F10: variants seen among roughly 807,000 people sequenced by gnomAD.
F10 encodes coagulation factor X, also known as Stuart-Prower factor.
In F10, 29 loss-of-function variants were observed where a neutral mutation model predicts 37.1. That is an observed-to-expected ratio of 0.78 (90% CI 0.58 to 1.07). F10 has a LOEUF of 1.07. Among genes scored for constraint, F10 ranks in the 50% least tolerant of loss-of-function variants. The pLI, the probability that F10 is intolerant of heterozygous loss-of-function variation, is 0.00. For synonymous variants in F10, 262 were observed against 268.6 expected (o/e 0.98, Z 0.24); for missense variants, 539 against 667.9 (o/e 0.81, Z 2.13).
At chr13:113,123,757 C>T (rs2036343623) in intron 1 of F10, among the ~76,000 whole-genome samples, 1 of 152,162 alleles carries the variant, frequency 6.6e-6, no homozygotes, top group African/African-American at 2.4e-5. Context: ...TAAACGGCCC[C>T]TCCGCCTGGT....
At chr13:113,127,630 T>C (rs979152280) in intron 1 of F10, among the ~76,000 whole-genome samples, 3 of 152,116 alleles carry the variant, frequency 2.0e-5, no homozygotes, top group African/African-American at 7.2e-5. Context: ...CATTTGCCAG[T>C]CATGAAATCA....
chr13:113,140,790 T>C, intron 4 of F10, 129 bp from the exon 5 acceptor site: 1 of 1,404,180 alleles, frequency 7.1e-7, no homozygotes, highest in South Asian at 1.2e-5. Context: ...GTCGCCTGGC[T>C]CTGGCCCTTT....
chr13:113,145,095 T>G (rs1202219816), intron 6 of F10, among the ~76,000 whole-genome samples: 2 of 152,170 alleles, frequency 1.3e-5, no homozygotes, highest in South Asian at 2.1e-4. Flanking sequence ...TTAGCCAGGA[T>G]GGTCTCCATC....
At chr13:113,145,302 A>G (rs2036572594) in intron 6 of F10, among the ~76,000 whole-genome samples, 1 of 152,222 alleles carries the variant, frequency 6.6e-6, no homozygotes, top group Non-Finnish European at 1.5e-5. Flanking sequence ...CTGGAGTTAC[A>G]GGTGTGAGCC....
Position 113,123,371 on chromosome 13 carries a change from G to C in F10, c.70+446G>C, listed in dbSNP as rs1161519689. On this transcript the variant is annotated intron_variant, in intron 1 of 7. Coordinates refer to ENST00000375559, the MANE Select transcript of F10 (RefSeq NM_000504.4). ...CAGAGGAGCTCCCAGGGAGGAGGAG[G>C]CTGAGCCGAGCCAGTGCCACCACTC... 3.9e-5 allele frequency among the ~76,000 whole-genome samples: 6 copies of C among 152,274 alleles called. No individual in the cohort carries two copies. The East Asian group carries it at 5.8e-4, about 15-fold the overall frequency.
intron 7 of F10, among the ~76,000 whole-genome samples, chr13:113,147,817 T>C (rs567344081): frequency 2.6e-4 from 40 of 152,232 alleles, no homozygotes; most frequent in East Asian, 2.3e-3. Flanking sequence ...GTGTCTTTTA[T>C]TGGGAGCCTT....
At position 113,149,331 on chromosome 13, in the gene F10, C is replaced by T; in HGVS notation, c.1281C>T (p.Phe427=). The change falls in exon 8 of 8, where the codon TTC becomes TTT. Residue 427 remains phenylalanine (F), a synonymous_variant. Transcript: ENST00000375559. The surrounding 1 kb of genome is among the most constrained non-coding windows in gnomAD (Gnocchi z 7.5). The part of the protein sequence containing the change: ...GDSGGPHVTR[F]KDTYFVTGIV... ...GCGGGGGCCCGCACGTCACCCGCTT[C>T]AAGGACACCTACTTCGTGACAGGCA... is the stretch of plus-strand genomic sequence containing the variant. 2 of 1,613,376 alleles carry T rather than the reference C, an allele frequency of 1.2e-6. No homozygotes were observed. Among genetic ancestry groups the T allele is most frequent in the Non-Finnish European group, 1.7e-6 (2 of 1,180,038 alleles).
At chr13:113,142,556 C>CAAAAA (rs5806973) in intron 5 of F10, among the ~76,000 whole-genome samples, 2 of 61,412 alleles carry the variant, frequency 3.3e-5, no homozygotes, top group African/African-American at 5.7e-5. Context: ...GACTCTGTCT[C>CAAAAA]AAAAAAAAAA....
At chr13:113,124,281 AC>A (rs1246579048) in intron 1 of F10, among the ~76,000 whole-genome samples, 1 of 152,166 alleles carries the variant, frequency 6.6e-6, no homozygotes, top group African/African-American at 2.4e-5. Context: ...GCCCACCCAG[AC>A]CCACAGGAGG....
At chr13:113,136,276 G>A (rs865802189) in intron 2 of F10, among the ~76,000 whole-genome samples, 2 of 152,136 alleles carry the variant, frequency 1.3e-5, no homozygotes, top group Admixed American at 6.5e-5. Context: ...TACACTGCTC[G>A]TGGGAATGCA....
intron 1 of F10, among the ~76,000 whole-genome samples, chr13:113,126,689 G>A (rs1595086602): frequency 6.6e-6 from 1 of 152,324 alleles, no homozygotes; most frequent in South Asian, 2.1e-4. Context: ...TCACATGGAG[G>A]TGCGTCAGAA....
chr13:113,133,424 G>A (rs1349229829), intron 2 of F10, among the ~76,000 whole-genome samples: 2 of 152,122 alleles, frequency 1.3e-5, no homozygotes, highest in Non-Finnish European at 2.9e-5. Context: ...GAACAACTCT[G>A]CATATATAAA....
intron 2 of F10, among the ~76,000 whole-genome samples, chr13:113,133,851 G>A (rs904051995): frequency 6.6e-6 from 1 of 151,998 alleles, no homozygotes; most frequent in Non-Finnish European, 1.5e-5. Context: ...AGTTTTTCTG[G>A]GGCACACATG....
At chr13:113,129,831 A>G (rs1004049741) in intron 2 of F10, among the ~76,000 whole-genome samples, 5 of 152,226 alleles carry the variant, frequency 3.3e-5, no homozygotes, top group African/African-American at 1.2e-4. Flanking sequence ...GCGAGGACTC[A>G]GCGGGGAGGG....
intron 4 of F10, 82 bp from the exon 5 acceptor site, chr13:113,140,837 G>C (rs923350720): frequency 6.2e-7 from 1 of 1,606,050 alleles, no homozygotes; most frequent in African/African-American, 1.3e-5. Flanking sequence ...TGACAGGCAA[G>C]TGGATGTAGC....
At chr13:113,123,339 G>A (rs2036338370) in intron 1 of F10, among the ~76,000 whole-genome samples, 1 of 152,192 alleles carries the variant, frequency 6.6e-6, no homozygotes, top group Non-Finnish European at 1.5e-5. Context: ...CAGGACGAGG[G>A]GCACAGCAGA....
At chr13:113,140,897 C>G (rs2036521132) in intron 4 of F10, 22 bp from the exon 5 acceptor site, 1 of 1,613,800 alleles carries the variant, frequency 6.2e-7, no homozygotes, top group Non-Finnish European at 8.5e-7. Flanking sequence ...GTCCCCAGAG[C>G]CAACGTGCCT....
intron 1 of F10, among the ~76,000 whole-genome samples, chr13:113,123,338 G>T (rs2036338334): frequency 6.6e-6 from 1 of 152,180 alleles, no homozygotes; most frequent in South Asian, 2.1e-4. Flanking sequence ...ACAGGACGAG[G>T]GGCACAGCAG....
chr13:113,140,542 T>C (rs988063276), intron 4 of F10: 2 of 487,872 alleles, frequency 4.1e-6, no homozygotes, highest in Non-Finnish European at 8.4e-6. Flanking sequence ...CCCAGGGCTA[T>C]TATGCACATT....
Sources: gnomAD v4.1 joint callset for allele counts (sites outside exome capture counted in the v4.1 genomes callset) on GRCh38, gnomAD v4.1.1 for gene constraint, Gnocchi (gnomAD v3.1) non-coding constraint, MANE v1.5 for transcripts, NCBI Gene and HGNC (gene_info 2026-07-23, HGNC 2026-07-21) for gene names.